NPAS3: variants seen among roughly 807,000 people sequenced by gnomAD.
NPAS3 encodes the protein neuronal PAS domain-containing protein 3.
In NPAS3, 14 loss-of-function variants were observed where a neutral mutation model predicts 73.1. That is an observed-to-expected ratio of 0.19 (90% CI 0.13 to 0.30). The LOEUF (loss-of-function observed/expected upper bound fraction) is 0.30, where lower values mean the gene tolerates loss of function less well. NPAS3 is among the 10% of genes least tolerant of loss of function. The probability of loss-of-function intolerance (pLI) is 1.00; values close to 1 mark genes in which losing one functional copy is unlikely to be tolerated. For missense variants in NPAS3, 1,096 were observed against 1,250.0 expected (o/e 0.88, Z 1.86); for synonymous variants, 620 against 541.5 (o/e 1.14, Z -2.01).
At chr14:33,523,043 GC>G (rs1246872695) in intron 4 of NPAS3, among the ~76,000 whole-genome samples, 4 of 152,092 alleles carry the variant, frequency 2.6e-5, no homozygotes, top group Non-Finnish European at 4.4e-5. Flanking sequence ...CATAGTCTGA[GC>G]CACACACTCT....
At chr14:33,132,796 A>T (rs981776945) in intron 2 of NPAS3, among the ~76,000 whole-genome samples, 18 of 152,208 alleles carry the variant, frequency 1.2e-4, no homozygotes, top group Admixed American at 7.2e-4. Flanking sequence ...TAGTGACTTT[A>T]GAAGCAAATT....
chr14:33,093,554 A>G (rs904738454), intron 2 of NPAS3, among the ~76,000 whole-genome samples: 3 of 152,222 alleles, frequency 2.0e-5, no homozygotes, highest in Non-Finnish European at 4.4e-5. Flanking sequence ...TGTGGAAGAC[A>G]GTGCGGCGAT....
chr14:33,685,200 G>A lies in NPAS3; in HGVS notation c.733+8815G>A, dbSNP rs1192254378. Among the ~76,000 whole-genome samples the A allele has an allele frequency of 2.0e-5, 3 of 152,154 alleles. No homozygotes were observed. In the East Asian group the frequency reaches 5.8e-4, roughly 29 times the overall value. On this transcript the variant is annotated intron_variant, in intron 6 of 11. Coordinates refer to ENST00000356141, the Ensembl canonical transcript of NPAS3. ...CCCAGGAGCTGACCATCACATGAGG[G>A]GGACAGATGAGTAACACAATGCGGA...
intron 2 of NPAS3, among the ~76,000 whole-genome samples, chr14:33,065,631 C>T (rs2041250717): frequency 6.6e-6 from 1 of 152,016 alleles, no homozygotes; most frequent in Non-Finnish European, 1.5e-5. Flanking sequence ...GTTAAATAGA[C>T]TATCACCACA....
intron 3 of NPAS3, among the ~76,000 whole-genome samples, chr14:33,341,768 G>A (rs1251551804): frequency 6.6e-6 from 1 of 152,146 alleles, no homozygotes; most frequent in Non-Finnish European, 1.5e-5. Context: ...GTGTTGGTTT[G>A]AGAAAGATTC....
intron 4 of NPAS3, among the ~76,000 whole-genome samples, chr14:33,403,924 T>G (rs529233978): frequency 6.6e-6 from 1 of 152,196 alleles, no homozygotes; most frequent in Non-Finnish European, 1.5e-5. Flanking sequence ...CAGTCCTACA[T>G]CCTCCTGCTG....
intron 3 of NPAS3, among the ~76,000 whole-genome samples, chr14:33,360,571 C>A (rs991132569): frequency 3.3e-5 from 5 of 152,130 alleles, no homozygotes; most frequent in Non-Finnish European, 5.9e-5. Context: ...AGTGGTTGAA[C>A]CCAATAAATA....
At chr14:33,556,202 A>C (rs1032313750) in intron 4 of NPAS3, among the ~76,000 whole-genome samples, 1 of 152,208 alleles carries the variant, frequency 6.6e-6, no homozygotes, top group East Asian at 1.9e-4. Context: ...TAGTAAGTAC[A>C]TGAAATCTGA....
At chr14:32,992,145 A>C (rs537030193) in intron 1 of NPAS3, among the ~76,000 whole-genome samples, 2 of 152,162 alleles carry the variant, frequency 1.3e-5, no homozygotes, top group Non-Finnish European at 2.9e-5. Flanking sequence ...CTGGTCAGTA[A>C]ACTGGACTCC....
At chr14:33,284,251 C>T (rs2041765119) in intron 3 of NPAS3, among the ~76,000 whole-genome samples, 1 of 151,964 alleles carries the variant, frequency 6.6e-6, no homozygotes, top group African/African-American at 2.4e-5. Flanking sequence ...CCTCGCATAC[C>T]CTCATGTTTG....
intron 2 of NPAS3, among the ~76,000 whole-genome samples, chr14:33,140,778 A>G (rs2044017209): frequency 6.6e-6 from 1 of 152,230 alleles, no homozygotes; most frequent in Non-Finnish European, 1.5e-5. Context: ...AGCAAAAGGT[A>G]TAGCAAAAGA....
intron 2 of NPAS3, among the ~76,000 whole-genome samples, chr14:33,152,585 T>C (rs979363338): frequency 1.4e-4 from 22 of 152,152 alleles, no homozygotes; most frequent in African/African-American, 5.3e-4. Context: ...TCTAAAAATG[T>C]CTCTATTACA....
At chr14:33,550,199 G>A (rs957073939) in intron 4 of NPAS3, among the ~76,000 whole-genome samples, 4 of 151,992 alleles carry the variant, frequency 2.6e-5, no homozygotes, top group African/African-American at 9.7e-5. Flanking sequence ...GTTTTGTTTT[G>A]TTTGAGACGA....
chr14:33,403,107 T>G (rs2138776412), intron 4 of NPAS3, among the ~76,000 whole-genome samples: 2 of 152,250 alleles, frequency 1.3e-5, no homozygotes, highest in Middle Eastern at 6.8e-3. Flanking sequence ...AGATAAAACC[T>G]TCAATACCAG....
intron 5 of NPAS3, among the ~76,000 whole-genome samples, chr14:33,640,718 A>G (rs977636607): frequency 2.6e-5 from 4 of 152,226 alleles, no homozygotes; most frequent in African/African-American, 9.6e-5. Flanking sequence ...GGGGAGAACA[A>G]GTATATTGAC....
intron 5 of NPAS3, among the ~76,000 whole-genome samples, chr14:33,657,247 T>C (rs139350742): frequency 2.6e-5 from 4 of 152,320 alleles, no homozygotes; most frequent in East Asian, 1.9e-4. Context: ...CTCAGGTCTT[T>C]AGTCTGACAT....
chr14:33,678,487 G>A (rs1566411832), intron 6 of NPAS3, among the ~76,000 whole-genome samples: 1 of 152,106 alleles, frequency 6.6e-6, no homozygotes. Flanking sequence ...GTTCCTAAAA[G>A]CCTCACCATC....
chr14:33,513,297 T>C (rs117272973), intron 4 of NPAS3, among the ~76,000 whole-genome samples: 3,260 of 152,166 alleles, frequency 0.021, 44 homozygotes, highest in Non-Finnish European at 0.036. Context: ...TAGTGAACAC[T>C]GTACACATAG....
At chr14:32,994,108 T>G (rs138274304) in intron 1 of NPAS3, among the ~76,000 whole-genome samples, 1 of 152,326 alleles carries the variant, frequency 6.6e-6, no homozygotes, top group Non-Finnish European at 1.5e-5. Flanking sequence ...AGCTGGTGTT[T>G]TCTGGGGGAG....
Sources: gnomAD v4.1 joint callset for allele counts (sites outside exome capture counted in the v4.1 genomes callset) on GRCh38, gnomAD v4.1.1 for gene constraint, MANE v1.5 for transcripts, NCBI Gene and HGNC (gene_info 2026-07-23, HGNC 2026-07-21) for gene names.